ACCSL: variants seen among roughly 807,000 people sequenced by gnomAD.
The protein encoded by ACCSL is 1-aminocyclopropane-1-carboxylate synthase homolog (inactive) like.
In ACCSL, 55 loss-of-function variants were observed where a neutral mutation model predicts 61.7. The ratio of observed to expected loss-of-function variants is 0.89; its 90% confidence interval spans 0.72 to 1.12. The LOEUF is 1.12. Among genes scored for constraint, ACCSL ranks in the 50% most tolerant of loss-of-function variants. The probability of loss-of-function intolerance (pLI) is 0.00; values close to 1 mark genes in which losing one functional copy is unlikely to be tolerated. For missense variants in ACCSL, 632 were observed against 698.0 expected (o/e 0.91, Z 1.07); for synonymous variants, 258 against 264.3 (o/e 0.98, Z 0.23).
At chr11:44,012,685 T>C in the ACCSL span, among the ~76,000 whole-genome samples, 1 of 152,232 alleles carries the variant, frequency 6.6e-6, no homozygotes, top group Admixed American at 6.5e-5. Context: ...ATCTATCTCA[T>C]GGATATACTT....
upstream of ACCSL, chr11:44,047,878 CCAAGG>C: frequency 1.0e-6 from 1 of 952,566 alleles, no homozygotes; most frequent in Non-Finnish European, 1.5e-6. Context: ...GGTCATATAA[CCAAGG>C]CATGGAAGTG....
the ACCSL span, among the ~76,000 whole-genome samples, chr11:43,941,896 A>G: frequency 2.0e-5 from 3 of 152,186 alleles, no homozygotes; most frequent in Non-Finnish European, 4.4e-5. Context: ...TGTTAGTGCC[A>G]TATCCAAGTG....
chr11:43,946,599 T>TA, the ACCSL span, among the ~76,000 whole-genome samples: 1 of 152,264 alleles, frequency 6.6e-6, no homozygotes, highest in Non-Finnish European at 1.5e-5. Context: ...ACCTGCTTTT[T>TA]AAATTAATTG....
chr11:44,040,619 G>GTCAA, the ACCSL span, among the ~76,000 whole-genome samples: 1 of 152,184 alleles, frequency 6.6e-6, no homozygotes, highest in African/African-American at 2.4e-5. Flanking sequence ...AGTGCTGACA[G>GTCAA]TCAATGATGG....
At chr11:44,013,109 T>A in the ACCSL span, among the ~76,000 whole-genome samples, 4 of 152,142 alleles carry the variant, frequency 2.6e-5, no homozygotes, top group Non-Finnish European at 5.9e-5. Flanking sequence ...GGAAAGAGAA[T>A]GAGGTAGGTC....
chr11:43,940,901 GGCTCAGGAGCCAC>G, the ACCSL span, among the ~76,000 whole-genome samples: 1 of 152,200 alleles, frequency 6.6e-6, no homozygotes, highest in Non-Finnish European at 1.5e-5. Flanking sequence ...GCAGTGTAGT[GGCTCAGGAGCCAC>G]GCTGCTGGGG....
the ACCSL span, among the ~76,000 whole-genome samples, chr11:44,035,402 T>A: frequency 6.6e-6 from 1 of 152,154 alleles, no homozygotes; most frequent in Non-Finnish European, 1.5e-5. Flanking sequence ...ACAGATGTCA[T>A]TTTCAACTGT....
At chr11:44,022,757 A>G in the ACCSL span, among the ~76,000 whole-genome samples, 1 of 151,946 alleles carries the variant, frequency 6.6e-6, no homozygotes. Context: ...TTTGTTGAGG[A>G]TTTTTGTGTC....
chr11:43,927,086 C>T, the ACCSL span, among the ~76,000 whole-genome samples: 2 of 152,242 alleles, frequency 1.3e-5, no homozygotes, highest in African/African-American at 4.8e-5. Context: ...TTTTTCTACA[C>T]ATTTATGTGC....
the ACCSL span, among the ~76,000 whole-genome samples, chr11:44,041,268 T>C: frequency 3.9e-3 from 594 of 152,330 alleles, 4 homozygotes; most frequent in East Asian, 0.031. Flanking sequence ...AAGTTGGGGA[T>C]AATTCTTACC....
chr11:44,001,340 G>A, the ACCSL span, among the ~76,000 whole-genome samples: 6 of 151,914 alleles, frequency 3.9e-5, no homozygotes, highest in Admixed American at 6.6e-5. Context: ...CCCATCTCTC[G>A]GGGGTGGCTT....
At chr11:44,000,278 C>T in the ACCSL span, among the ~76,000 whole-genome samples, 1 of 152,144 alleles carries the variant, frequency 6.6e-6, no homozygotes, top group Non-Finnish European at 1.5e-5. Context: ...GCATGCACCA[C>T]CATGCTCAGC....
the ACCSL span, among the ~76,000 whole-genome samples, chr11:43,961,237 T>C: frequency 6.6e-6 from 1 of 152,220 alleles, no homozygotes; most frequent in Non-Finnish European, 1.5e-5. Context: ...GAAAATTTCA[T>C]GGCCACATGA....
At chr11:44,016,796 C>T in the ACCSL span, among the ~76,000 whole-genome samples, 7 of 152,106 alleles carry the variant, frequency 4.6e-5, no homozygotes, top group South Asian at 6.2e-4. Flanking sequence ...CCCAGGCCTG[C>T]GGTAGTTAAC....
At chr11:43,962,823 C>T in the ACCSL span, among the ~76,000 whole-genome samples, 5 of 152,104 alleles carry the variant, frequency 3.3e-5, no homozygotes, top group South Asian at 1.0e-3. Flanking sequence ...CCAGAGAAAC[C>T]GTAAAAGCCT....
chr11:43,958,554 C>G, the ACCSL span, among the ~76,000 whole-genome samples: 13 of 152,224 alleles, frequency 8.5e-5, no homozygotes, highest in South Asian at 2.1e-4. Context: ...TACTCTTTCT[C>G]TATTGCAATT....
At chr11:43,943,856 A>G in the ACCSL span, 3 of 1,274,750 alleles carry the variant, frequency 2.4e-6, no homozygotes, top group African/African-American at 1.5e-5. The surrounding 1 kb of genome is among the most constrained non-coding windows in gnomAD (Gnocchi z 4.8). Context: ...AAAGGAGACA[A>G]ATAAAGTCAA....
At chr11:43,990,624 A>AT in the ACCSL span, among the ~76,000 whole-genome samples, 1 of 152,202 alleles carries the variant, frequency 6.6e-6, no homozygotes, top group Admixed American at 6.5e-5. Flanking sequence ...CAACTGCTCA[A>AT]TTAATGCTAG....
chr11:43,978,782 G>GT, the ACCSL span, among the ~76,000 whole-genome samples: 1 of 116,846 alleles, frequency 8.6e-6, no homozygotes, highest in East Asian at 2.6e-4. Context: ...TGAGAAGGTG[G>GT]GTTTTTTTTT....
Sources: gnomAD v4.1 joint callset for allele counts (sites outside exome capture counted in the v4.1 genomes callset) on GRCh38, gnomAD v4.1.1 for gene constraint, Gnocchi (gnomAD v3.1) non-coding constraint, MANE v1.5 for transcripts, NCBI Gene and HGNC (gene_info 2026-07-23, HGNC 2026-07-21) for gene names.